Variants in SLC35F3 observed in about 807,000 individuals in gnomAD.
SLC35F3 encodes the protein solute carrier family 35 member F3.
In SLC35F3, 25 loss-of-function variants were observed where a neutral mutation model predicts 49.9. The ratio of observed to expected loss-of-function variants is 0.50; its 90% CI spans 0.37 to 0.70. The LOEUF is 0.70. Among genes scored for constraint, SLC35F3 ranks in the 30% least tolerant of loss-of-function variants. SLC35F3 has a pLI of 0.00. For missense variants in SLC35F3, 525 were observed against 639.8 expected (o/e 0.82, Z 1.94); for synonymous variants, 275 against 265.4 (o/e 1.04, Z -0.35).
intron 2 of SLC35F3, among the ~76,000 whole-genome samples, chr1:233,930,736 A>G (rs1662230196): frequency 6.6e-6 from 1 of 152,232 alleles, no homozygotes; most frequent in Non-Finnish European, 1.5e-5. Flanking sequence ...ATTGTATACT[A>G]TGTTCTTACA....
At chr1:233,985,033 G>A (rs1260654956) in intron 2 of SLC35F3, among the ~76,000 whole-genome samples, 1 of 152,116 alleles carries the variant, frequency 6.6e-6, no homozygotes, top group African/African-American at 2.4e-5. Context: ...GCCCCTAAGA[G>A]GGGTCCCTGC....
intron 2 of SLC35F3, among the ~76,000 whole-genome samples, chr1:233,937,072 C>T (rs1297375024): frequency 1.3e-5 from 2 of 152,148 alleles, no homozygotes; most frequent in Non-Finnish European, 2.9e-5. Flanking sequence ...CTTCCACTCC[C>T]ATCTACCCCC....
chr1:234,285,808 A>T (rs1668410871), intron 3 of SLC35F3, among the ~76,000 whole-genome samples: 1 of 152,164 alleles, frequency 6.6e-6, no homozygotes, highest in Non-Finnish European at 1.5e-5. Flanking sequence ...GACACTGTGT[A>T]ACTGAACTCC....
intron 2 of SLC35F3, among the ~76,000 whole-genome samples, chr1:234,003,408 T>C (rs1312598491): frequency 1.3e-5 from 2 of 152,060 alleles, no homozygotes; most frequent in Admixed American, 6.6e-5. Context: ...AATTGATGGT[T>C]TTTCCAACAG....
chr1:234,201,929 A>AAG (rs1467433657), intron 2 of SLC35F3, among the ~76,000 whole-genome samples: 3 of 152,144 alleles, frequency 2.0e-5, no homozygotes, highest in Admixed American at 6.5e-5. Flanking sequence ...AAAAAAAAAA[A>AAG]AAGAAGGAGT....
chr1:234,176,762 T>C (rs1418164805), intron 2 of SLC35F3, among the ~76,000 whole-genome samples: 1 of 152,154 alleles, frequency 6.6e-6, no homozygotes, highest in East Asian at 1.9e-4. Flanking sequence ...CTTGAACATC[T>C]ACAAGTGGAG....
chr1:233,997,278 T>C (rs1439890524), intron 2 of SLC35F3, among the ~76,000 whole-genome samples: 1 of 152,132 alleles, frequency 6.6e-6, no homozygotes, highest in African/African-American at 2.4e-5. Context: ...AGCAGAGGGA[T>C]TGATGGGTCA....
Position 233,983,378 on chromosome 1 carries a change from T to C in SLC35F3, c.283+77620T>C, listed in dbSNP as rs60305193. On this transcript the variant is annotated intron_variant, in intron 2 of 7. Transcript: ENST00000366618. ...GGTGGTAACTTCATTTACAACAGAA[T>C]TGGATTCATAAATAATATCCTCCCT... Among the ~76,000 whole-genome samples the C allele has an allele frequency of 7.8e-3, 1,194 of 152,306 alleles. 9 individuals carry two copies. The highest frequency in any genetic ancestry group is 0.027 in the African/African-American group (1,122 of 41,568).
rs143197245 is a variant in SLC35F3 at position 234,154,786 on chromosome 1, C to T, written c.284-76631C>T. Among the ~76,000 whole-genome samples, 520 of 152,304 alleles carry T rather than the reference C, an allele frequency of 3.4e-3. 6 individuals carry two copies. The highest frequency in any genetic ancestry group is 0.012 in the African/African-American group (498 of 41,554). On this transcript the variant is annotated intron_variant, in intron 2 of 7. Transcript: ENST00000366618. ...GTTAGTATTTCTAAAGGTTTTACTC[C>T]AGCCTCCTTCAGGCCTACCCAAGAG...
rs1394286794 is a variant in SLC35F3, at chr1:234,143,278, C to CTT, written c.284-88136_284-88135dup. Among the ~76,000 whole-genome samples, 98 of 127,450 alleles carry CTT rather than the reference C, an allele frequency of 7.7e-4. 2 individuals carry two copies. The highest frequency in any genetic ancestry group is 3.0e-3 in the African/African-American group (93 of 30,988). The allele number at this position is 127,450 out of a possible 152,430, so 83.6% of individuals were successfully genotyped here. Reference sequence around the variant, plus strand: ...CTGCTTCTATGAGTTTGACTCTTTTCTTTTCTTTTCTTTTTTTTTTTTTTT... The same window carrying CTT: ...CTGCTTCTATGAGTTTGACTCTTTTCTTTTTTCTTTTCTTTTTTTTTTTTTTT... On this transcript the variant is annotated intron_variant, in intron 2 of 7. Coordinates refer to ENST00000366618, the MANE Select transcript of SLC35F3 (RefSeq NM_173508.4).
At chr1:234,178,069 G>A (rs1395423866) in intron 2 of SLC35F3, among the ~76,000 whole-genome samples, 1 of 152,134 alleles carries the variant, frequency 6.6e-6, no homozygotes, top group East Asian at 1.9e-4. Flanking sequence ...TGAGATTCTG[G>A]AAACTTGTTC....
intron 3 of SLC35F3, among the ~76,000 whole-genome samples, chr1:234,281,918 T>G (rs1410495640): frequency 2.0e-5 from 3 of 152,164 alleles, no homozygotes; most frequent in Admixed American, 1.3e-4. Flanking sequence ...CTGTCAGAGC[T>G]GCAGCCTTGG....
chr1:233,993,129 G>A (rs376371666), intron 2 of SLC35F3, among the ~76,000 whole-genome samples: 12 of 152,068 alleles, frequency 7.9e-5, no homozygotes, highest in African/African-American at 2.4e-4. Flanking sequence ...CACCGTGCCC[G>A]GCTAATTTTA....
intron 3 of SLC35F3, among the ~76,000 whole-genome samples, chr1:234,290,779 T>C (rs1483469467): frequency 6.6e-6 from 1 of 152,056 alleles, no homozygotes; most frequent in African/African-American, 2.4e-5. Context: ...GTTAGAGGAG[T>C]TGAGCACCTG....
At chr1:233,910,248 G>A (rs1039255252) in intron 2 of SLC35F3, among the ~76,000 whole-genome samples, 8 of 152,224 alleles carry the variant, frequency 5.3e-5, no homozygotes, top group African/African-American at 1.9e-4. Flanking sequence ...ACCAATTAGG[G>A]AGGAGATGGC....
chr1:234,229,199 GT>G (rs1667331209), intron 2 of SLC35F3, among the ~76,000 whole-genome samples: 1 of 152,284 alleles, frequency 6.6e-6, no homozygotes, highest in Admixed American at 6.5e-5. Flanking sequence ...TCTACTTGGT[GT>G]TTTTCAAATC....
At chr1:233,984,176 C>G (rs1040994638) in intron 2 of SLC35F3, among the ~76,000 whole-genome samples, 1 of 152,218 alleles carries the variant, frequency 6.6e-6, no homozygotes, top group Non-Finnish European at 1.5e-5. Context: ...CTCGGCTCTT[C>G]TCTTTTGTTC....
At chr1:234,299,172 G>T (rs917203542) in intron 3 of SLC35F3, among the ~76,000 whole-genome samples, 14 of 152,274 alleles carry the variant, frequency 9.2e-5, no homozygotes, top group Middle Eastern at 3.4e-3. Flanking sequence ...ACCCCTCAAG[G>T]CATTGACTGA....
chr1:233,908,142 T>C (rs1241165122), intron 2 of SLC35F3, among the ~76,000 whole-genome samples: 1 of 151,680 alleles, frequency 6.6e-6, no homozygotes, highest in African/African-American at 2.4e-5. Context: ...TGTTGGTTGG[T>C]AATTGTACTC....
Sources: allele counts gnomAD v4.1 joint callset (sites outside exome capture counted in the v4.1 genomes callset), GRCh38; gene constraint gnomAD v4.1.1; transcripts MANE v1.5; gene names NCBI Gene and HGNC (gene_info 2026-07-23, HGNC 2026-07-21).